TXNRD2: variants seen among roughly 807,000 people sequenced by gnomAD.
TXNRD2 encodes the protein thioredoxin reductase 2, mitochondrial.
TXNRD2 carries 67 observed loss-of-function variants against 70.8 expected under a neutral mutation model. The observed-to-expected ratio is 0.95, with a 90% CI of 0.78 to 1.16. The LOEUF (loss-of-function observed/expected upper bound fraction) is 1.16, where lower values mean the gene tolerates loss of function less well. Among genes scored for constraint, TXNRD2 ranks in the 50% most tolerant of loss-of-function variants. The probability of loss-of-function intolerance (pLI) is 0.00; values close to 1 mark genes in which losing one functional copy is unlikely to be tolerated. For synonymous variants in TXNRD2, 301 were observed against 295.8 expected, an observed-to-expected ratio of 1.02 and a Z score of -0.18; for missense variants, 644 against 719.9, an observed-to-expected ratio of 0.89 and a Z score of 1.21.
intron 8 of TXNRD2, chr22:19,903,140 T>C: frequency 2.2e-6 from 1 of 458,458 alleles, no homozygotes; most frequent in Non-Finnish European, 4.3e-6. Flanking sequence ...GCCCAGTGTG[T>C]GGGCTGGTCA....
chr22:19,941,818 TG>T, upstream of TXNRD2: 1 of 1,514,552 alleles, frequency 6.6e-7, no homozygotes, highest in Non-Finnish European at 8.8e-7. Context: ...GTGGGGCTTC[TG>T]GGGCAGCTAG....
chr22:19,886,281 G>A (rs1939030199), intron 11 of TXNRD2, among the ~76,000 whole-genome samples: 1 of 152,242 alleles, frequency 6.6e-6, no homozygotes, highest in Non-Finnish European at 1.5e-5. Flanking sequence ...CACGTCCCTA[G>A]CCGTGGCCAG....
At chr22:19,878,257 C>A in intron 15 of TXNRD2, 70 bp from the exon 16 acceptor site, 1 of 1,591,662 alleles carries the variant, frequency 6.3e-7, no homozygotes, top group Non-Finnish European at 8.6e-7. Context: ...ATCCACCCTG[C>A]ACCCTGCCTG....
chr22:19,880,238 C>T lies in TXNRD2; in HGVS notation c.1216G>A (p.Gly406Ser), dbSNP rs902872268. The change falls in exon 14 of 18, where the codon GGC becomes AGC. Residue 406 changes from glycine to serine, a missense_variant. Physicochemically the swap from Gly to Ser is moderately conservative, Grantham distance 56 (BLOSUM62 0). Around this residue, in one of 3 missense-constraint regions of TXNRD2, gnomAD observed 566 missense variants for 645.0 expected, o/e 0.88. Transcript: ENST00000400521. ...PTTVFTPLEY[G>S]CVGLSEEEAV... ...TCCTCCTCGGACAGCCCCACACAGC[C>T]ATACTCCAGCGGGGTGAAGACGGTC... The T allele has an allele frequency of 4.3e-6, 7 of 1,613,724 alleles. No homozygotes were observed. Among genetic ancestry groups the T allele is most frequent in the Middle Eastern group, 1.6e-4 (1 of 6,084 alleles).
chr22:19,907,237 C>T (rs1319465879), intron 8 of TXNRD2, among the ~76,000 whole-genome samples: 3 of 76,370 alleles, frequency 3.9e-5, no homozygotes, highest in Non-Finnish European at 7.9e-5. Flanking sequence ...GCAGTGACCG[C>T]TCTCAGGAGA....
chr22:19,888,665 C>T (rs1329287791), intron 11 of TXNRD2, among the ~76,000 whole-genome samples: 6 of 152,094 alleles, frequency 3.9e-5, no homozygotes, highest in Non-Finnish European at 5.9e-5. Context: ...GCTCCAGGGC[C>T]GGTGGGCGAT....
At chr22:19,879,983 C>T (rs1357268700) in intron 14 of TXNRD2, among the ~76,000 whole-genome samples, 196 bp downstream of exon 14, 1 of 152,180 alleles carries the variant, frequency 6.6e-6, no homozygotes, top group African/African-American at 2.4e-5. Flanking sequence ...GCCCAGTCAC[C>T]CCAAGGCTGC....
chr22:19,901,390 C>T (rs1939771471), intron 8 of TXNRD2, among the ~76,000 whole-genome samples: 2 of 152,204 alleles, frequency 1.3e-5, no homozygotes, highest in Admixed American at 1.3e-4. Flanking sequence ...GAGGTGGGTG[C>T]AGTGGGCATA....
chr22:19,886,098 G>A (rs1270690388), intron 11 of TXNRD2, among the ~76,000 whole-genome samples: 1 of 152,238 alleles, frequency 6.6e-6, no homozygotes. Flanking sequence ...GGCCCTGCAG[G>A]GACTCCACAG....
intron 16 of TXNRD2, 76 bp from the exon 17 acceptor site, chr22:19,877,310 A>G (rs944663196): frequency 4.3e-6 from 6 of 1,399,704 alleles, no homozygotes; most frequent in Non-Finnish European, 6.0e-6. Context: ...CCCCGGGAAG[A>G]GGAGGGCCTC....
In TXNRD2 at chr22:19,899,520, C is replaced by G. The variant is rs1425581648; in HGVS notation, c.663-452G>C. ...GCTGGGCCCTTCCATGTGCCAGAGG[C>G]ACATCCAACCCTATCACAGCTAGGC... On this transcript the variant is annotated intron_variant, in intron 8 of 17. Coordinates refer to ENST00000400521, the MANE Select transcript of TXNRD2 (RefSeq NM_006440.5). 3.3e-5 allele frequency among the ~76,000 whole-genome samples: 5 copies of G among 152,228 alleles called. No individual in the cohort carries two copies. In the East Asian group the frequency reaches 9.6e-4, roughly 29 times the overall value.
intron 4 of TXNRD2, among the ~76,000 whole-genome samples, chr22:19,918,529 G>A (rs9618715): frequency 0.035 from 5,307 of 152,022 alleles, 314 homozygotes; most frequent in African/African-American, 0.12. Flanking sequence ...GCTGGGCCAC[G>A]TGGTCCCCTT....
chr22:19,927,048 C>T (rs757202534), intron 2 of TXNRD2, among the ~76,000 whole-genome samples: 12 of 152,108 alleles, frequency 7.9e-5, no homozygotes, highest in Non-Finnish European at 1.8e-4. Flanking sequence ...AATCCCAACA[C>T]TTTGGAAGGC....
intron 6 of TXNRD2, 112 bp downstream of exon 6, chr22:19,915,653 T>G: frequency 4.1e-6 from 4 of 977,704 alleles, no homozygotes; most frequent in Middle Eastern, 2.4e-4. Flanking sequence ...CCTTTTTGAT[T>G]CCAGCAGCAC....
chr22:19,919,448 G>T, intron 3 of TXNRD2, 95 bp downstream of exon 3: 1 of 1,121,638 alleles, frequency 8.9e-7, no homozygotes, highest in Non-Finnish European at 1.3e-6. Flanking sequence ...CAGCAGGGCT[G>T]AAGGACTTTG....
chr22:19,912,541 G>C (rs184646854), intron 7 of TXNRD2, among the ~76,000 whole-genome samples: 1 of 152,340 alleles, frequency 6.6e-6, no homozygotes, highest in Non-Finnish European at 1.5e-5. Flanking sequence ...TCTGCCTGGG[G>C]CCTCAGAGAA....
At chr22:19,925,062 A>G (rs1008179872) in intron 2 of TXNRD2, among the ~76,000 whole-genome samples, 2 of 151,850 alleles carry the variant, frequency 1.3e-5, no homozygotes, top group African/African-American at 4.8e-5. Flanking sequence ...AGGGGGGCGG[A>G]TCACAAGGTC....
In TXNRD2 at chr22:19,932,532, C is replaced by A. The variant is rs550842484; in HGVS notation, c.104-1434G>T. On this transcript the variant is annotated intron_variant, in intron 1 of 17. Coordinates refer to ENST00000400521, the MANE Select transcript of TXNRD2 (RefSeq NM_006440.5). ...GGAGGAAGTAGAGAGGGGAAGTACA[C>A]TGAACTGGGCCTGAGGTCCGGGACA... is the stretch of plus-strand genomic sequence containing the variant. 199 of 1,531,910 alleles carry A rather than the reference C, an allele frequency of 1.3e-4. 1 individual carries two copies. In the South Asian group the frequency reaches 2.2e-3, roughly 17 times the overall value. 94.9% of individuals were successfully genotyped at this position (1,531,910 alleles called of 1,614,324 possible).
Position 19,915,758 on chromosome 22 carries a change from T to G in TXNRD2, c.528+7A>C. On this transcript the variant is annotated splice_region_variant and intron_variant, in intron 6 of 17. Coordinates refer to ENST00000400521, the MANE Select transcript of TXNRD2 (RefSeq NM_006440.5). ...CAAGGAGCCACGCGAGTAAGTCAGA[T>G]GCTCACCTCTTTCCCACCTTTGGCA... 1 of 1,614,166 alleles carries G rather than the reference T, an allele frequency of 6.2e-7. No homozygotes were observed. The highest frequency in any genetic ancestry group is 8.5e-7 in the Non-Finnish European group (1 of 1,179,976).
Sources: gnomAD v4.1 joint callset for allele counts (sites outside exome capture counted in the v4.1 genomes callset) on GRCh38, gnomAD v4.1.1 for gene constraint, gnomAD v4.1.1 regional missense constraint, MANE v1.5 for transcripts, NCBI Gene and HGNC (gene_info 2026-07-23, HGNC 2026-07-21) for gene names.